The following KCTD3 variants were observed in gnomAD, a reference collection of about 807,000 sequenced individuals.
KCTD3 encodes the protein potassium channel tetramerization domain containing 3.
KCTD3 carries 41 observed loss-of-function variants against 85.8 expected under a neutral mutation model. That is an observed-to-expected ratio of 0.48 (90% CI 0.37 to 0.62). The LOEUF (loss-of-function observed/expected upper bound fraction) is 0.62. KCTD3 is among the 20% of genes least tolerant of loss of function. The pLI is 0.00. For synonymous variants in KCTD3, 338 were observed against 345.4 expected (o/e 0.98, Z 0.24); for missense variants, 724 against 989.9 (o/e 0.73, Z 3.60).
intron 8 of KCTD3, among the ~76,000 whole-genome samples, chr1:215,581,973 A>G (rs1278488434): frequency 2.0e-5 from 3 of 152,186 alleles, no homozygotes; most frequent in African/African-American, 4.8e-5. Flanking sequence ...TAGCTTCACT[A>G]ATTTTCTACA....
chr1:215,577,783 C>T, intron 5 of KCTD3, 55 bp downstream of exon 5: 1 of 1,365,590 alleles, frequency 7.3e-7, no homozygotes, highest in Non-Finnish European at 1.0e-6. Context: ...ATGAAAGTTG[C>T]CCTAAATGAA....
intron 9 of KCTD3, among the ~76,000 whole-genome samples, chr1:215,588,255 C>T (rs1660086735): frequency 6.6e-6 from 1 of 151,968 alleles, no homozygotes. Flanking sequence ...GGTGCTTTTC[C>T]TTGACATAGC....
intron 12 of KCTD3, among the ~76,000 whole-genome samples, chr1:215,603,369 G>A (rs967949285): frequency 1.3e-5 from 2 of 151,988 alleles, no homozygotes; most frequent in Non-Finnish European, 2.9e-5. Flanking sequence ...AAGCTAAGAT[G>A]TTCTCTATCC....
At chr1:215,597,384 A>T (rs1445621181) in intron 10 of KCTD3, among the ~76,000 whole-genome samples, 1 of 152,208 alleles carries the variant, frequency 6.6e-6, no homozygotes, top group Admixed American at 6.5e-5. Flanking sequence ...TACATAGCCT[A>T]ATAGCAATTT....
intron 1 of KCTD3, among the ~76,000 whole-genome samples, chr1:215,572,259 G>A (rs1356802144): frequency 6.6e-6 from 1 of 152,220 alleles, no homozygotes; most frequent in East Asian, 1.9e-4. Flanking sequence ...TTTACTGGGT[G>A]TGTGCTAGGT....
chr1:215,606,296 G>T (rs1419324615), intron 13 of KCTD3, among the ~76,000 whole-genome samples: 1 of 152,092 alleles, frequency 6.6e-6, no homozygotes, highest in African/African-American at 2.4e-5. Context: ...AATTAAATTA[G>T]CCAAACCTCT....
At chr1:215,572,037 T>C (rs1033230383) in intron 1 of KCTD3, among the ~76,000 whole-genome samples, 2 of 152,238 alleles carry the variant, frequency 1.3e-5, no homozygotes, top group South Asian at 4.1e-4. Flanking sequence ...CGGCTTCTGC[T>C]GTTACTGACA....
At chr1:215,602,539 T>C (rs1654874633) in intron 12 of KCTD3, among the ~76,000 whole-genome samples, 1 of 151,942 alleles carries the variant, frequency 6.6e-6, no homozygotes, top group Non-Finnish European at 1.5e-5. Context: ...CACTTAAAAA[T>C]TAGGAGCTTT....
At chr1:215,574,648 G>T (rs1659503110) in intron 3 of KCTD3, among the ~76,000 whole-genome samples, 1 of 152,116 alleles carries the variant, frequency 6.6e-6, no homozygotes, top group African/African-American at 2.4e-5. Context: ...ATTTGCAGAT[G>T]AAATAAGGCA....
chr1:215,591,327 CTTCCTTCCTTCCTTCCTTCT>C (rs1474728065), intron 9 of KCTD3, among the ~76,000 whole-genome samples: 1 of 143,630 alleles, frequency 7.0e-6, no homozygotes, highest in African/African-American at 2.6e-5. Flanking sequence ...TCCTTCCTTC[CTTCCTTCCTTCCTTCCTTCT>C]CTCTTTCTCT....
At chr1:215,604,633 A>G (rs137944169) in intron 13 of KCTD3, among the ~76,000 whole-genome samples, 13 of 151,904 alleles carry the variant, frequency 8.6e-5, no homozygotes, top group African/African-American at 2.9e-4. Context: ...CCTGGTTTTA[A>G]TATACTTAAA....
chr1:215,618,091 G>A, intron 15 of KCTD3: 2 of 468,038 alleles, frequency 4.3e-6, no homozygotes, highest in South Asian at 1.6e-5. Flanking sequence ...TTGTCAGTCT[G>A]TGTGGTGTCA....
intron 8 of KCTD3, among the ~76,000 whole-genome samples, chr1:215,581,979 C>T (rs1040206879): frequency 1.3e-5 from 2 of 152,184 alleles, no homozygotes; most frequent in Non-Finnish European, 2.9e-5. Flanking sequence ...CACTAATTTT[C>T]TACATGGTTA....
In KCTD3 at chr1:215,578,990, C is replaced by G. The variant is rs767374688; in HGVS notation, c.398-10C>G. The G allele has an allele frequency of 1.3e-6, 2 of 1,512,840 alleles. No homozygotes were observed. The highest frequency in any genetic ancestry group is 2.5e-5 in the South Asian group (2 of 78,576). The allele number at this position is 1,512,840 out of a possible 1,614,324, so 93.7% of individuals were successfully genotyped here. A position where few individuals can be genotyped will look rare whatever the true frequency, so the allele number is the denominator to read the frequency against. The stretch of plus-strand genomic sequence containing the variant: ...TTAGGAATGTATTTGTTTTCTTCTT[C>G]TCTTTATAGGTATTCCTAGTCGTAA... On this transcript the variant is annotated splice_polypyrimidine_tract_variant and intron_variant, in intron 6 of 17. Transcript: ENST00000259154.
intron 14 of KCTD3, among the ~76,000 whole-genome samples, chr1:215,610,883 C>T (rs1208286917): frequency 6.6e-6 from 1 of 151,724 alleles, no homozygotes; most frequent in Non-Finnish European, 1.5e-5. Flanking sequence ...ATAGTAAGTA[C>T]AGTGTAAGTA....
chr1:215,573,873 TA>T, intron 2 of KCTD3, 34 bp downstream of exon 2: 1 of 1,248,608 alleles, frequency 8.0e-7, no homozygotes, highest in Non-Finnish European at 1.1e-6. Flanking sequence ...TATATTTTAA[TA>T]CATTTATTTA....
chr1:215,614,025 T>TG (rs1655334344), intron 15 of KCTD3, among the ~76,000 whole-genome samples: 2 of 128,816 alleles, frequency 1.6e-5, no homozygotes, highest in African/African-American at 3.1e-5. Flanking sequence ...ATAGTTTTTT[T>TG]TTTTTTTTTT....
chr1:215,572,988 A>C (rs948913311), intron 1 of KCTD3, among the ~76,000 whole-genome samples: 1 of 152,214 alleles, frequency 6.6e-6, no homozygotes, highest in African/African-American at 2.4e-5. Flanking sequence ...TTTGTTTGCC[A>C]TATCAGTTTA....
At chr1:215,618,776 T>G (rs1270334019) in intron 15 of KCTD3, 110 bp from the exon 16 acceptor site, 1 of 805,010 alleles carries the variant, frequency 1.2e-6, no homozygotes, top group Non-Finnish European at 2.0e-6. Flanking sequence ...TTTAAAAGTC[T>G]TTTCTAGTAT....
Sources: allele counts gnomAD v4.1 joint callset (sites outside exome capture counted in the v4.1 genomes callset), GRCh38; gene constraint gnomAD v4.1.1; transcripts MANE v1.5; gene names NCBI Gene and HGNC (gene_info 2026-07-23, HGNC 2026-07-21).